RIMBP2: variants seen among roughly 807,000 people sequenced by gnomAD.
RIMBP2 encodes the protein RIMS binding protein 2.
A neutral mutation model predicts 118.6 loss-of-function variants in RIMBP2; 48 were observed. The observed-to-expected ratio is 0.40, with a 90% CI of 0.32 to 0.51. The LOEUF (loss-of-function observed/expected upper bound fraction) is 0.51. RIMBP2 is among the 20% of genes least tolerant of loss of function. The pLI is 0.41. For synonymous variants in RIMBP2, 762 were observed against 742.9 expected, an observed-to-expected ratio of 1.03 and a Z score of -0.42; for missense variants, 1,551 against 1,768.3, an observed-to-expected ratio of 0.88 and a Z score of 2.20.
chr12:130,443,711 A>T (rs1219876835), intron 10 of RIMBP2, among the ~76,000 whole-genome samples: 1 of 152,196 alleles, frequency 6.6e-6, no homozygotes, highest in East Asian at 1.9e-4. Flanking sequence ...CACTGAGGAT[A>T]TGCTATTTAA....
rs537737052 is a variant in RIMBP2 at position 130,647,961 on chromosome 12, G to C, written c.-351-19505C>G. Among the ~76,000 whole-genome samples the C allele has an allele frequency of 5.4e-4, 78 of 143,576 alleles. 6 individuals are homozygous for C. The highest frequency in any genetic ancestry group is 1.7e-3 in the Admixed American group (25 of 14,412). 94.2% of individuals were successfully genotyped at this position (143,576 alleles called of 152,430 possible). ...TGTGGCTGTTTGGCCCGACTGCAGT[G>C]GGTGAGTTGGACCCCAGCTCCGTTG... On this transcript the variant is annotated intron_variant, in intron 1 of 22. Coordinates refer to ENST00000690449, the MANE Select transcript of RIMBP2 (RefSeq NM_001393629.1).
chr12:130,404,425 G>A (rs2136327707), intron 21 of RIMBP2, among the ~76,000 whole-genome samples: 1 of 152,252 alleles, frequency 6.6e-6, no homozygotes, highest in Admixed American at 6.5e-5. Flanking sequence ...AGCCTCCAAA[G>A]TAGCTGGGAT....
At chr12:130,539,180 T>A (rs1460171315) in intron 2 of RIMBP2, among the ~76,000 whole-genome samples, 2 of 152,314 alleles carry the variant, frequency 1.3e-5, no homozygotes, top group African/African-American at 4.8e-5. Flanking sequence ...TACATATATA[T>A]TTTTACAATT....
chr12:130,607,716 T>C (rs2060274549), intron 2 of RIMBP2, among the ~76,000 whole-genome samples: 1 of 152,094 alleles, frequency 6.6e-6, no homozygotes, highest in South Asian at 2.1e-4. Flanking sequence ...CTGCTCGGAA[T>C]GCTCAGTAAG....
intron 1 of RIMBP2, among the ~76,000 whole-genome samples, chr12:130,662,130 C>T (rs1013637899): frequency 3.2e-5 from 4 of 123,718 alleles, no homozygotes; most frequent in African/African-American, 8.5e-5. Flanking sequence ...CATTCATTCC[C>T]GCTCATCACA....
At chr12:130,502,917 G>T (rs1002865267) in intron 4 of RIMBP2, among the ~76,000 whole-genome samples, 1 of 152,206 alleles carries the variant, frequency 6.6e-6, no homozygotes, top group South Asian at 2.1e-4. Flanking sequence ...CCTTTCCCTT[G>T]GTAGGGATGG....
chr12:130,696,276 C>A (rs529541131), intron 1 of RIMBP2, among the ~76,000 whole-genome samples: 1 of 152,166 alleles, frequency 6.6e-6, no homozygotes, highest in Admixed American at 6.5e-5. Context: ...AGAGACAGAC[C>A]CAGCTCCTGA....
chr12:130,428,062 G>T, intron 15 of RIMBP2, 117 bp downstream of exon 15: 1 of 908,034 alleles, frequency 1.1e-6, no homozygotes, highest in Non-Finnish European at 1.6e-6. Context: ...CAAATCCGAG[G>T]GCTACTGGTT....
chr12:130,415,373 C>T (rs146127233), intron 17 of RIMBP2, among the ~76,000 whole-genome samples: 1 of 152,264 alleles, frequency 6.6e-6, no homozygotes, highest in Non-Finnish European at 1.5e-5. Context: ...AAAAAACCCT[C>T]AACAATCTAG....
At chr12:130,584,629 C>G (rs1367730123) in intron 2 of RIMBP2, among the ~76,000 whole-genome samples, 1 of 151,582 alleles carries the variant, frequency 6.6e-6, no homozygotes. Flanking sequence ...ATCATCATCA[C>G]TGCCATCACC....
intron 21 of RIMBP2, among the ~76,000 whole-genome samples, chr12:130,401,503 AC>A (rs2074567114): frequency 6.6e-6 from 1 of 151,840 alleles, no homozygotes; most frequent in African/African-American, 2.4e-5. Context: ...CTGTTCAGCA[AC>A]GCTGCCAGGT....
intron 17 of RIMBP2, among the ~76,000 whole-genome samples, chr12:130,421,955 G>A (rs532588235): frequency 6.6e-6 from 1 of 152,324 alleles, no homozygotes; most frequent in African/African-American, 2.4e-5. Context: ...CAAGGGAGGT[G>A]CCCAGATGGA....
At chr12:130,680,384 G>A (rs1485638053) in intron 1 of RIMBP2, among the ~76,000 whole-genome samples, 1 of 152,190 alleles carries the variant, frequency 6.6e-6, no homozygotes, top group Non-Finnish European at 1.5e-5. Context: ...TTGAATGGAG[G>A]GGGCCAGAGC....
At chr12:130,646,087 T>A (rs199849081) in intron 1 of RIMBP2, among the ~76,000 whole-genome samples, 11 of 60,548 alleles carry the variant, frequency 1.8e-4, no homozygotes, top group South Asian at 1.7e-3. Context: ...CCCTCACCAC[T>A]TCCCTCTCCA....
At chr12:130,463,426 A>C (rs2080181351) in intron 6 of RIMBP2, among the ~76,000 whole-genome samples, 1 of 152,186 alleles carries the variant, frequency 6.6e-6, no homozygotes, top group Non-Finnish European at 1.5e-5. Flanking sequence ...TGGAACAAAC[A>C]GCAGAGGCTC....
At chr12:130,476,472 G>A (rs957902872) in intron 5 of RIMBP2, among the ~76,000 whole-genome samples, 3 of 152,124 alleles carry the variant, frequency 2.0e-5, no homozygotes, top group Non-Finnish European at 4.4e-5. Context: ...CTGCCTGGTG[G>A]GGTAAGCACT....
At chr12:130,436,173 C>T (rs891954841) in intron 13 of RIMBP2, among the ~76,000 whole-genome samples, 4 of 152,210 alleles carry the variant, frequency 2.6e-5, no homozygotes, top group Non-Finnish European at 4.4e-5. Flanking sequence ...GGGGGCATTG[C>T]TCTGCAGGTG....
intron 2 of RIMBP2, among the ~76,000 whole-genome samples, chr12:130,583,874 C>G (rs1478844353): frequency 6.7e-6 from 1 of 149,082 alleles, no homozygotes; most frequent in Non-Finnish European, 1.5e-5. Context: ...TCACCATGAC[C>G]ATCACCACCA....
At chr12:130,409,875 G>A (rs1178465434) in intron 19 of RIMBP2, among the ~76,000 whole-genome samples, 1 of 152,222 alleles carries the variant, frequency 6.6e-6, no homozygotes, top group Non-Finnish European at 1.5e-5. Flanking sequence ...TTTTTTGTGT[G>A]TGAACGTAAG....
Sources: gnomAD v4.1 joint callset for allele counts (sites outside exome capture counted in the v4.1 genomes callset) on GRCh38, gnomAD v4.1.1 for gene constraint, MANE v1.5 for transcripts, NCBI Gene and HGNC (gene_info 2026-07-23, HGNC 2026-07-21) for gene names.